LRRTM4: variants seen among roughly 807,000 people sequenced by gnomAD.
LRRTM4 encodes leucine rich repeat transmembrane neuronal 4, also known as leucine-rich repeat transmembrane neuronal protein 4.
Under a neutral mutation model 47.6 loss-of-function variants are expected in LRRTM4, and 25 were observed. The observed-to-expected ratio is 0.53, with a 90% CI of 0.38 to 0.73. The LOEUF (loss-of-function observed/expected upper bound fraction) is 0.73. LRRTM4 is among the 30% of genes least tolerant of loss of function. The pLI is 0.00. For missense variants in LRRTM4, 638 were observed against 713.4 expected (o/e 0.89, Z 1.20); for synonymous variants, 311 against 269.5 (o/e 1.15, Z -1.51).
At chr2:76,904,769 G>A (rs1275794864) in intron 3 of LRRTM4, among the ~76,000 whole-genome samples, 6 of 152,082 alleles carry the variant, frequency 3.9e-5, no homozygotes, top group Non-Finnish European at 8.8e-5. Context: ...TGTAACATAT[G>A]TAAAAAATGA....
chr2:77,423,808 T>C (rs1481372394), intron 3 of LRRTM4, among the ~76,000 whole-genome samples: 1 of 152,030 alleles, frequency 6.6e-6, no homozygotes, highest in Admixed American at 6.6e-5. Context: ...TAAAAAAAGA[T>C]AAGGTAGATG....
chr2:77,503,563 T>A (rs1318458435), intron 3 of LRRTM4, among the ~76,000 whole-genome samples: 1 of 151,684 alleles, frequency 6.6e-6, no homozygotes, highest in African/African-American at 2.4e-5. Flanking sequence ...AGAAATAACA[T>A]GTTTATTTTT....
At chr2:77,426,753 TC>T (rs1303483074) in intron 3 of LRRTM4, among the ~76,000 whole-genome samples, 8 of 152,026 alleles carry the variant, frequency 5.3e-5, no homozygotes, top group Non-Finnish European at 1.0e-4. Flanking sequence ...TCTCTTTTTC[TC>T]TCTCTCCATG....
intron 3 of LRRTM4, among the ~76,000 whole-genome samples, chr2:77,236,355 C>T (rs947381204): frequency 6.6e-6 from 1 of 152,012 alleles, no homozygotes; most frequent in African/African-American, 2.4e-5. Flanking sequence ...GATTTTTGTA[C>T]ATTGATTGTG....
intron 3 of LRRTM4, among the ~76,000 whole-genome samples, chr2:76,795,423 T>G (rs1329073855): frequency 7.8e-6 from 1 of 128,126 alleles, no homozygotes; most frequent in African/African-American, 2.9e-5. Flanking sequence ...GATTTTTTAC[T>G]GTCATTATTT....
chr2:77,040,495 G>A (rs1042654333), intron 3 of LRRTM4, among the ~76,000 whole-genome samples: 2 of 151,352 alleles, frequency 1.3e-5, no homozygotes, highest in Non-Finnish European at 3.0e-5. Flanking sequence ...GAGAAACAAG[G>A]TCATCAAGCT....
At chr2:77,162,569 C>A (rs1316157430) in intron 3 of LRRTM4, among the ~76,000 whole-genome samples, 1 of 152,286 alleles carries the variant, frequency 6.6e-6, no homozygotes, top group African/African-American at 2.4e-5. Context: ...GAGGCACCTC[C>A]CAGTAGGGAC....
chr2:76,974,273 T>A (rs1676343412), intron 3 of LRRTM4, among the ~76,000 whole-genome samples: 1 of 144,228 alleles, frequency 6.9e-6, no homozygotes, highest in Non-Finnish European at 1.5e-5. Context: ...TACATATATA[T>A]ATGGATTATT....
intron 3 of LRRTM4, among the ~76,000 whole-genome samples, chr2:77,470,737 T>C (rs561806128): frequency 1.6e-4 from 24 of 152,296 alleles, no homozygotes; most frequent in African/African-American, 5.1e-4. Flanking sequence ...AAAACTACTC[T>C]CTGCAGTTTC....
chr2:77,203,955 T>C (rs528999467), intron 3 of LRRTM4, among the ~76,000 whole-genome samples: 3 of 152,340 alleles, frequency 2.0e-5, no homozygotes, highest in Non-Finnish European at 2.9e-5. Context: ...TAAGTCGCTA[T>C]AGCAATCCTA....
At chr2:76,768,680 T>C (rs1020443651) in intron 3 of LRRTM4, among the ~76,000 whole-genome samples, 2 of 152,116 alleles carry the variant, frequency 1.3e-5, no homozygotes, top group East Asian at 1.9e-4. Flanking sequence ...TAGGTACAAA[T>C]ATATCCTCAA....
rs965994593 is a variant in LRRTM4 at position 77,213,493 on chromosome 2, C to G, written c.1551+304825G>C. Among the ~76,000 whole-genome samples the G allele has an allele frequency of 3.9e-5, 6 of 152,048 alleles. No homozygotes were observed. In the East Asian group the frequency reaches 1.2e-3, roughly 29 times the overall value. On this transcript the variant is annotated intron_variant, in intron 3 of 3. Transcript: ENST00000409884. ...ACATAAATATGTATATGTATACATA[C>G]ACACATATATTACATAGAGAAGTAC...
rs185477710 is a variant in LRRTM4 at position 77,088,686 on chromosome 2, G to A, written c.1552-339770C>T. On this transcript the variant is annotated intron_variant, in intron 3 of 3. Transcript: ENST00000409884. ...ACGGACGCGCATGAAATTTGGTGCC[G>A]TGACTTGGATCAGGGGACTTCCCCT... Among the ~76,000 whole-genome samples, 39 of 152,228 alleles carry A rather than the reference G, an allele frequency of 2.6e-4. 2 individuals are homozygous for A. Among genetic ancestry groups the A allele is most frequent in the African/African-American group, 8.7e-4 (36 of 41,542 alleles).
intron 3 of LRRTM4, among the ~76,000 whole-genome samples, chr2:77,311,110 G>A (rs1677444439): frequency 6.6e-6 from 1 of 151,928 alleles, no homozygotes; most frequent in African/African-American, 2.4e-5. Context: ...GTAGGAATGT[G>A]GTAATGTATT....
intron 3 of LRRTM4, among the ~76,000 whole-genome samples, chr2:76,874,797 T>A (rs1451877526): frequency 6.6e-6 from 1 of 151,752 alleles, no homozygotes; most frequent in Non-Finnish European, 1.5e-5. Context: ...TTTGGAGAGA[T>A]CAGTGATCTA....
intron 3 of LRRTM4, among the ~76,000 whole-genome samples, chr2:77,334,242 G>A (rs543579821): frequency 3.3e-5 from 5 of 152,258 alleles, no homozygotes; most frequent in Middle Eastern, 6.8e-3. Context: ...GCTGAAATGA[G>A]TTAAGACTTT....
At position 76,987,926 on chromosome 2, in the gene LRRTM4, A is replaced by G. The variant is rs148148971; in HGVS notation, c.1552-239010T>C. On this transcript the variant is annotated intron_variant, in intron 3 of 3. Transcript: ENST00000409884. ...TGAATATTGGTGAGTACTAATAATGATTGCTATGGAATATATTTATTATAT... is the reference window on the plus strand; with the variant it reads ...TGAATATTGGTGAGTACTAATAATGGTTGCTATGGAATATATTTATTATAT... Among the ~76,000 whole-genome samples, 326 of 152,018 alleles carry G rather than the reference A, an allele frequency of 2.1e-3. 7 individuals carry two copies. Among genetic ancestry groups the G allele is most frequent in the African/African-American group, 7.6e-3 (316 of 41,534 alleles).
intron 3 of LRRTM4, among the ~76,000 whole-genome samples, chr2:76,763,167 C>T (rs1245052669): frequency 6.6e-6 from 1 of 152,086 alleles, no homozygotes; most frequent in Non-Finnish European, 1.5e-5. Flanking sequence ...TTTATTCTCC[C>T]CTATTCCAGG....
chr2:77,257,801 C>T (rs13432868), intron 3 of LRRTM4, among the ~76,000 whole-genome samples: 18,612 of 151,638 alleles, frequency 0.12, 3,832 homozygotes, highest in African/African-American at 0.42. Flanking sequence ...CTGAAGAGAA[C>T]ACATTAATGG....
Sources: allele counts gnomAD v4.1 joint callset (sites outside exome capture counted in the v4.1 genomes callset), GRCh38; gene constraint gnomAD v4.1.1; transcripts MANE v1.5; gene names NCBI Gene and HGNC (gene_info 2026-07-23, HGNC 2026-07-21).